Variants in KRT40 observed in about 807,000 individuals in gnomAD.
KRT40 encodes the protein keratin 40, also known as keratin, type I cytoskeletal 40.
Under a neutral mutation model 43.5 loss-of-function variants are expected in KRT40, and 47 were observed. That is an observed-to-expected ratio of 1.08 (90% CI 0.86 to 1.38). KRT40 has a LOEUF of 1.38. KRT40 is among the 40% of genes most tolerant of loss of function. The probability of loss-of-function intolerance (pLI) is 0.00; values close to 1 mark genes in which losing one functional copy is unlikely to be tolerated. For synonymous variants in KRT40, 212 were observed against 214.0 expected (o/e 0.99, Z 0.08); for missense variants, 573 against 523.6 (o/e 1.09, Z -0.92).
At chr17:40,980,961 C>CCTGACATTT in intron 4 of KRT40, 29 bp downstream of exon 4, 1 of 1,614,160 alleles carries the variant, frequency 6.2e-7, no homozygotes, top group Non-Finnish European at 8.5e-7. Context: ...AGTCTGTAAG[C>CCTGACATTT]CTGACATTTT....
upstream of KRT40, chr17:40,986,331 C>T (rs1351211035): frequency 2.0e-5 from 3 of 152,200 alleles, no homozygotes; most frequent in Non-Finnish European, 4.4e-5. Flanking sequence ...ACACATAGCC[C>T]TCCTGCACAA....
At chr17:40,979,732 G>A (rs140557955) in intron 5 of KRT40, among the ~76,000 whole-genome samples, 3,207 of 152,258 alleles carry the variant, frequency 0.021, 116 homozygotes, top group African/African-American at 0.073. Flanking sequence ...GATACCAGAG[G>A]CTGGGACTGG....
At chr17:40,983,212 TC>T in intron 1 of KRT40, 84 bp from the exon 2 acceptor site, 1 of 616,598 alleles carries the variant, frequency 1.6e-6, no homozygotes, top group Non-Finnish European at 2.9e-6. Flanking sequence ...CCATTAGCTA[TC>T]TTTTGAAAGT....
Position 40,980,759 on chromosome 17 carries a change from ACGGACACTG to A in KRT40, c.975+17_975+25del. 1 of 1,565,620 alleles carries A rather than the reference ACGGACACTG, an allele frequency of 6.4e-7. No homozygotes were observed. Among genetic ancestry groups the A allele is most frequent in the Non-Finnish European group, 8.6e-7 (1 of 1,162,974 alleles). ...CAGGGCCTGACTTATCAGTGACACA[ACGGACACTG>A]CCTTTGCCTCACGCACCAGGCTTTG... On this transcript the variant is annotated intron_variant, in intron 5 of 6. Coordinates refer to ENST00000377755, the MANE Select transcript of KRT40 (RefSeq NM_001389244.1).
At chr17:40,978,702 A>C (rs777544401) in intron 6 of KRT40, 102 bp downstream of exon 6, 136 of 948,286 alleles carry the variant, frequency 1.4e-4, no homozygotes, top group Middle Eastern at 3.4e-4. Context: ...CCCTAAACAC[A>C]CTGGGGAGGT....
chr17:40,980,423 T>A (rs539410175), intron 5 of KRT40, among the ~76,000 whole-genome samples: 3 of 129,584 alleles, frequency 2.3e-5, no homozygotes, highest in African/African-American at 5.8e-5. Flanking sequence ...TAGGATGAAA[T>A]GTTTGAAAAT....
intron 1 of KRT40, among the ~76,000 whole-genome samples, chr17:40,983,435 C>T (rs147941346): frequency 2.0e-3 from 303 of 152,292 alleles, no homozygotes; most frequent in Non-Finnish European, 3.8e-3. Context: ...AGTATATCCT[C>T]TCCCATAATA....
intron 2 of KRT40, 105 bp from the exon 3 acceptor site, chr17:40,982,568 A>C: frequency 1.3e-6 from 1 of 788,646 alleles, no homozygotes; most frequent in Non-Finnish European, 1.9e-6. Flanking sequence ...CCATGTGCAT[A>C]ATTTCTCTTA....
intron 5 of KRT40, among the ~76,000 whole-genome samples, chr17:40,979,970 T>C (rs1912045346): frequency 6.6e-6 from 1 of 152,174 alleles, no homozygotes; most frequent in South Asian, 2.1e-4. Context: ...ACTTGATCAT[T>C]ACACATTCTA....
rs1912350625 is a variant in KRT40, at chr17:40,984,219, A to T, written c.55T>A (p.Ser19Thr). The T allele has an allele frequency of 6.2e-7, 1 of 1,613,834 alleles. No homozygotes were observed. The highest frequency in any genetic ancestry group is 8.5e-7 in the Non-Finnish European group (1 of 1,179,980). The change falls in exon 1 of 7, where the codon TCC becomes ACC. Residue 19 changes from serine to threonine, a missense_variant. Ser to Thr is a moderately conservative substitution (Grantham distance 58). Coordinates refer to ENST00000377755, the MANE Select transcript of KRT40 (RefSeq NM_001389244.1). ...CAGCTTGAGGCAGGTGCACAACCGG[A>T]AGCCGTGCCACAGGACTCAGGAGAG... is the stretch of plus-strand genomic sequence containing the variant. ...HCSPESCGTA[S>T]GCAPASSCSV...
Position 40,980,810 on chromosome 17 carries a change from A to AT in KRT40, c.949dup (p.Ile317AsnfsTer2), listed in dbSNP as rs1191854036. On this transcript the variant is annotated frameshift_variant, in exon 5 of 7. Transcript: ENST00000377755. LOFTEE classifies it high-confidence loss of function. ...CAGGCTTTGCTGTGCTTGGAGCTCAATTTCCAGAGCACTGGCTGTGCGTTT... is the reference window on the plus strand; with the variant it reads ...CAGGCTTTGCTGTGCTTGGAGCTCAATTTTCCAGAGCACTGGCTGTGCGTTT... The AT allele has an allele frequency of 3.1e-6, 5 of 1,609,632 alleles. No individual in the cohort carries two copies. Among genetic ancestry groups the AT allele is most frequent in the Non-Finnish European group, 4.2e-6 (5 of 1,179,392 alleles).
Position 40,978,879 on chromosome 17 carries a change from A to G in KRT40, c.1121T>C (p.Val374Ala), listed in dbSNP as rs780588247. 5.6e-6 allele frequency: 9 copies of G among 1,613,788 alleles called. No homozygotes were observed. The highest frequency in any genetic ancestry group is 5.5e-5 in the South Asian group (5 of 91,062). Residue 374 changes from valine (V) to alanine (A), a missense_variant, in exon 6 of 7, where the codon GTG becomes GCG. Transcript: ENST00000377755. ...DLERQNQEYQVLLDVKARLEG... is the reference protein window; with the variant it reads ...DLERQNQEYQALLDVKARLEG... ...CAGCCGGGCCTTCACGTCCAGGAGCACCTGGTACTCCTGGTTCTGTCGCTC... is the reference window on the plus strand; with the variant it reads ...CAGCCGGGCCTTCACGTCCAGGAGCGCCTGGTACTCCTGGTTCTGTCGCTC...
chr17:40,985,581 C>T (rs1912433268), upstream of KRT40, among the ~76,000 whole-genome samples: 1 of 152,038 alleles, frequency 6.6e-6, no homozygotes, highest in South Asian at 2.1e-4. Context: ...TTCCTAGGTA[C>T]CTGATAGTAG....
At chr17:40,979,438 C>G (rs1912005650) in intron 5 of KRT40, among the ~76,000 whole-genome samples, 1 of 151,082 alleles carries the variant, frequency 6.6e-6, no homozygotes, top group Admixed American at 6.6e-5. Flanking sequence ...GGAGGCAAAG[C>G]TTGCAGTAAG....
upstream of KRT40, chr17:40,986,874 C>CTTTCTACCT (rs1473643021): frequency 6.6e-6 from 1 of 152,192 alleles, no homozygotes. Flanking sequence ...GGAATGCAAA[C>CTTTCTACCT]TTTCTACCTT....
At position 40,978,807 on chromosome 17, in the gene KRT40, C is replaced by T. The variant is rs1378405459; in HGVS notation, c.1193G>A (p.Ser398Asn). The T allele has an allele frequency of 6.2e-7, 1 of 1,611,236 alleles. No individual in the cohort carries two copies. Among genetic ancestry groups the T allele is most frequent in the Non-Finnish European group, 8.5e-7 (1 of 1,179,254 alleles). Residue 398 changes from serine (S) to asparagine (N), a missense_variant, in exon 6 of 7, where the codon AGC (serine) becomes AAC (asparagine). By Grantham distance (46) the Ser-to-Asn change is conservative. Transcript: ENST00000377755. ...CATGAGTAACTGTGGAACTTGCCTGCTGTCCTCGCTGTCCAGCAGGCCCCA... is the reference window on the plus strand; with the variant it reads ...CATGAGTAACTGTGGAACTTGCCTGTTGTCCTCGCTGTCCAGCAGGCCCCA... ...TYWGLLDSED[S>N]RLSCSPCSTT...
rs946942217 is a variant in KRT40 at position 40,979,041 on chromosome 17, T to C, written c.976-17A>G. 9 of 1,598,760 alleles carry C rather than the reference T, an allele frequency of 5.6e-6. No individual in the cohort carries two copies. The highest frequency in any genetic ancestry group is 7.7e-6 in the Non-Finnish European group (9 of 1,167,138). On this transcript the variant is annotated splice_polypyrimidine_tract_variant and intron_variant, in intron 5 of 6. Coordinates refer to ENST00000377755, the MANE Select transcript of KRT40 (RefSeq NM_001389244.1). The stretch of plus-strand genomic sequence containing the variant: ...AGATTCTGTCTGCGGGAGGAAACAT[T>C]GTCCAAAGGACCATGAAGTGCAGTC...
At chr17:40,983,703 G>A (rs1262461371) in intron 1 of KRT40, 124 bp downstream of exon 1, 2 of 896,464 alleles carry the variant, frequency 2.2e-6, no homozygotes, top group Non-Finnish European at 3.5e-6. Flanking sequence ...TCTCCCCTAT[G>A]TATCACTAAC....
intron 2 of KRT40, among the ~76,000 whole-genome samples, 189 bp from the exon 3 acceptor site, chr17:40,982,652 T>G (rs1410550268): frequency 7.5e-6 from 1 of 132,590 alleles, no homozygotes; most frequent in Non-Finnish European, 1.6e-5. Context: ...AATATTTGTG[T>G]GTGTGTGTGT....
Sources: allele counts gnomAD v4.1 joint callset (sites outside exome capture counted in the v4.1 genomes callset), GRCh38; gene constraint gnomAD v4.1.1; transcripts MANE v1.5; gene names NCBI Gene and HGNC (gene_info 2026-07-23, HGNC 2026-07-21).